Variants in TENM4 observed in about 807,000 individuals in gnomAD.
TENM4 encodes teneurin-4.
A neutral mutation model predicts 243.3 loss-of-function variants in TENM4; 82 were observed. The observed-to-expected ratio is 0.34, with a 90% CI of 0.28 to 0.40. The LOEUF (loss-of-function observed/expected upper bound fraction) is 0.40. Ranked by LOEUF, TENM4 falls within the 10% of genes least tolerant of loss-of-function variation. The pLI, the probability that TENM4 is intolerant of heterozygous loss-of-function variation, is 1.00. For missense variants in TENM4, 3,138 were observed against 3,673.3 expected, an observed-to-expected ratio of 0.85 and a Z score of 3.77; for synonymous variants, 1,412 against 1,456.3, an observed-to-expected ratio of 0.97 and a Z score of 0.69.
chr11:78,836,455 T>C (rs1858118619), intron 12 of TENM4, among the ~76,000 whole-genome samples: 1 of 152,160 alleles, frequency 6.6e-6, no homozygotes, highest in Non-Finnish European at 1.5e-5. Flanking sequence ...AATCTTACCA[T>C]CCTATTCAGT....
rs144617337 is a variant in TENM4, at chr11:79,214,816, C to T, written c.-163+992G>A. Reference sequence around the variant, plus strand: ...GACCAAAGGGGCCAATCATCCAGGTCGTACCCCTAAAATATGGGAGAGATT... The same window carrying T: ...GACCAAAGGGGCCAATCATCCAGGTTGTACCCCTAAAATATGGGAGAGATT... On this transcript the variant is annotated intron_variant, in intron 3 of 33. Transcript: ENST00000278550. Among the ~76,000 whole-genome samples, 57 of 152,358 alleles carry T rather than the reference C, an allele frequency of 3.7e-4. 1 individual carries two copies. In the East Asian group the frequency reaches 9.6e-3, roughly 26 times the overall value.
chr11:79,047,459 T>G (rs967554332), intron 6 of TENM4, among the ~76,000 whole-genome samples: 1 of 152,216 alleles, frequency 6.6e-6, no homozygotes, highest in Non-Finnish European at 1.5e-5. Context: ...TCTCTGGGGA[T>G]GCTCACTTTG....
intron 6 of TENM4, among the ~76,000 whole-genome samples, chr11:79,005,783 G>A (rs1858465114): frequency 6.6e-6 from 1 of 152,124 alleles, no homozygotes; most frequent in Non-Finnish European, 1.5e-5. Flanking sequence ...GGCATACAAA[G>A]AGGAAGACAG....
chr11:79,286,838 G>C (rs1856263490), intron 2 of TENM4, among the ~76,000 whole-genome samples: 1 of 152,144 alleles, frequency 6.6e-6, no homozygotes, highest in Non-Finnish European at 1.5e-5. Context: ...TTGGGAAATA[G>C]ATGAATTAAG....
chr11:79,144,637 A>G (rs184337650), intron 4 of TENM4, among the ~76,000 whole-genome samples: 1 of 152,090 alleles, frequency 6.6e-6, no homozygotes, highest in Non-Finnish European at 1.5e-5. Flanking sequence ...AACAACATGG[A>G]TGGAACTGGA....
In TENM4 at chr11:79,250,636, T is replaced by C. The variant is rs532743419; in HGVS notation, c.-264-34727A>G. On this transcript the variant is annotated intron_variant, in intron 2 of 33. Transcript: ENST00000278550. ...CAGGCCTTAAAAAAAGGAGCGATCC[T>C]AGCAAATATTGCCTTCTATTAACCC... Among the ~76,000 whole-genome samples the C allele has an allele frequency of 2.1e-4, 32 of 152,374 alleles. 1 individual carries two copies. The South Asian group carries it at 6.4e-3, about 31-fold the overall frequency.
intron 15 of TENM4, among the ~76,000 whole-genome samples, chr11:78,800,681 T>C (rs1405467558): frequency 1.3e-5 from 2 of 152,038 alleles, no homozygotes; most frequent in East Asian, 1.9e-4. Context: ...ACCTAATGTA[T>C]GTTTGTCCCT....
At chr11:79,061,745 G>A (rs1259862763) in intron 6 of TENM4, among the ~76,000 whole-genome samples, 1 of 152,174 alleles carries the variant, frequency 6.6e-6, no homozygotes, top group Non-Finnish European at 1.5e-5. Flanking sequence ...AACTAGGGCT[G>A]TAAGAGTAAA....
intron 28 of TENM4, among the ~76,000 whole-genome samples, chr11:78,699,878 C>T (rs895526844): frequency 2.0e-5 from 3 of 152,182 alleles, no homozygotes; most frequent in African/African-American, 7.2e-5. Context: ...AAAGAAACCC[C>T]TGTATTGGCT....
chr11:79,010,826 G>A (rs754576556), intron 6 of TENM4, among the ~76,000 whole-genome samples: 1 of 152,168 alleles, frequency 6.6e-6, no homozygotes, highest in Non-Finnish European at 1.5e-5. Context: ...GGAAACCAAG[G>A]GAAGGCCAGA....
chr11:78,902,734 G>C (rs907566074), intron 7 of TENM4, among the ~76,000 whole-genome samples: 1 of 152,188 alleles, frequency 6.6e-6, no homozygotes, highest in African/African-American at 2.4e-5. Context: ...AGGGCTTTGG[G>C]CATAAAGGTG....
intron 12 of TENM4, among the ~76,000 whole-genome samples, chr11:78,842,943 G>A (rs1284926862): frequency 6.6e-6 from 1 of 152,182 alleles, no homozygotes; most frequent in Non-Finnish European, 1.5e-5. Flanking sequence ...GGAGGCTGAG[G>A]TGGGAGGGTC....
At chr11:79,153,441 C>T (rs181987041) in intron 3 of TENM4, among the ~76,000 whole-genome samples, 56 of 152,204 alleles carry the variant, frequency 3.7e-4, no homozygotes, top group African/African-American at 1.1e-3. Flanking sequence ...TTTCCTTGCA[C>T]GGTGTCTGGG....
intron 1 of TENM4, among the ~76,000 whole-genome samples, chr11:79,309,989 G>A (rs773944437): frequency 5.9e-5 from 9 of 152,140 alleles, no homozygotes; most frequent in Non-Finnish European, 1.2e-4. Context: ...AGGGCTGGAT[G>A]TGGTGCTGCT....
At chr11:78,722,188 TA>T (rs1855400479) in intron 24 of TENM4, among the ~76,000 whole-genome samples, 1 of 152,270 alleles carries the variant, frequency 6.6e-6, no homozygotes, top group South Asian at 2.1e-4. Context: ...TTTTTTAAAT[TA>T]TTTTTTTGCA....
At chr11:78,778,503 G>A in intron 17 of TENM4, 99 bp downstream of exon 17, 1 of 1,263,464 alleles carries the variant, frequency 7.9e-7, no homozygotes, top group Non-Finnish European at 1.1e-6. Flanking sequence ...TCATGCTTAT[G>A]TGGTGTATAT....
At chr11:79,239,817 T>C (rs1186971496) in intron 2 of TENM4, among the ~76,000 whole-genome samples, 2 of 152,146 alleles carry the variant, frequency 1.3e-5, no homozygotes, top group Non-Finnish European at 2.9e-5. Flanking sequence ...AAACTGAGGC[T>C]TGGGCACTCA....
intron 6 of TENM4, among the ~76,000 whole-genome samples, chr11:79,056,542 G>T (rs1391346986): frequency 6.6e-6 from 1 of 152,002 alleles, no homozygotes; most frequent in African/African-American, 2.4e-5. Context: ...CTATGCGGAG[G>T]AGGCCCCAGG....
chr11:78,835,543 G>A (rs959443406), intron 12 of TENM4, among the ~76,000 whole-genome samples: 15 of 152,052 alleles, frequency 9.9e-5, no homozygotes, highest in African/African-American at 3.6e-4. Context: ...AACAAAAAAA[G>A]CCAGCATGCT....
Sources: allele counts gnomAD v4.1 joint callset (sites outside exome capture counted in the v4.1 genomes callset), GRCh38; gene constraint gnomAD v4.1.1; transcripts MANE v1.5; gene names NCBI Gene and HGNC (gene_info 2026-07-23, HGNC 2026-07-21).